The following ITFG1 variants were observed in gnomAD, a reference collection of about 807,000 sequenced individuals.
The protein encoded by ITFG1 is T-cell immunomodulatory protein.
In ITFG1, 34 loss-of-function variants were observed where a neutral mutation model predicts 81.8. The ratio of observed to expected loss-of-function variants is 0.42; its 90% CI spans 0.32 to 0.55. The LOEUF is 0.55. Ranked by LOEUF, ITFG1 falls within the 20% of genes least tolerant of loss-of-function variation. The pLI, the probability that ITFG1 is intolerant of heterozygous loss-of-function variation, is 0.17. For synonymous variants in ITFG1, 285 were observed against 270.6 expected, an observed-to-expected ratio of 1.05 and a Z score of -0.52; for missense variants, 672 against 755.4, an observed-to-expected ratio of 0.89 and a Z score of 1.29.
chr16:47,431,757 T>C (rs1969098824), intron 5 of ITFG1, among the ~76,000 whole-genome samples: 1 of 152,220 alleles, frequency 6.6e-6, no homozygotes, highest in Non-Finnish European at 1.5e-5. Context: ...AAAGTTTCCA[T>C]TTATCTCTCA....
chr16:47,460,354 G>C (rs1969514220), intron 1 of ITFG1, among the ~76,000 whole-genome samples: 1 of 152,212 alleles, frequency 6.6e-6, no homozygotes, highest in Non-Finnish European at 1.5e-5. Context: ...GGGCGAATTA[G>C]GTAGGTGGGG....
intron 10 of ITFG1, among the ~76,000 whole-genome samples, chr16:47,304,113 A>G (rs918747882): frequency 6.6e-6 from 1 of 152,230 alleles, no homozygotes; most frequent in Non-Finnish European, 1.5e-5. Context: ...GTAGAAAAAG[A>G]ATAGAAATGA....
At chr16:47,455,947 A>C (rs1249920442) in intron 2 of ITFG1, among the ~76,000 whole-genome samples, 1 of 152,082 alleles carries the variant, frequency 6.6e-6, no homozygotes, top group African/African-American at 2.4e-5. Context: ...CTCCTAAAAG[A>C]GACAAAAAAA....
At chr16:47,447,993 G>A (rs1018312407) in intron 5 of ITFG1, 4 of 152,300 alleles carry the variant, frequency 2.6e-5, no homozygotes, top group East Asian at 1.9e-4. Flanking sequence ...TGTATGGGAT[G>A]AGAGGGAGGG....
intron 6 of ITFG1, among the ~76,000 whole-genome samples, chr16:47,379,670 G>A (rs564334939): frequency 6.6e-6 from 1 of 151,050 alleles, no homozygotes; most frequent in South Asian, 2.1e-4. Context: ...GGGTGACAAG[G>A]GCGAGATTAT....
intron 14 of ITFG1, among the ~76,000 whole-genome samples, chr16:47,171,095 A>G (rs1253404676): frequency 6.7e-6 from 1 of 149,682 alleles, no homozygotes; most frequent in Non-Finnish European, 1.5e-5. Flanking sequence ...GCAGTGGCAC[A>G]ATCATGGCTC....
chr16:47,210,022 T>A (rs1334352582), intron 14 of ITFG1, among the ~76,000 whole-genome samples: 1 of 152,150 alleles, frequency 6.6e-6, no homozygotes, highest in African/African-American at 2.4e-5. Flanking sequence ...CGTGTAGATT[T>A]TTGAGTGAAC....
intron 8 of ITFG1, among the ~76,000 whole-genome samples, chr16:47,346,769 A>G (rs1370642658): frequency 6.6e-6 from 1 of 152,230 alleles, no homozygotes; most frequent in Admixed American, 6.5e-5. Context: ...AATCAGTAAT[A>G]AAGTCTCATA....
At position 47,186,514 on chromosome 16, in the gene ITFG1, C is replaced by T. The variant is rs557112193; in HGVS notation, c.1454-23850G>A. ...AACAGAACCAAAGACAAAAACCACA[C>T]GATTATCTCAATAGATGCAGAAAAG... On this transcript the variant is annotated intron_variant, in intron 14 of 17. Transcript: ENST00000320640. Among the ~76,000 whole-genome samples, 250 of 152,172 alleles carry T rather than the reference C, an allele frequency of 1.6e-3. 3 individuals carry two copies. In the Middle Eastern group the frequency reaches 0.034, roughly 21 times the overall value.
intron 14 of ITFG1, among the ~76,000 whole-genome samples, chr16:47,183,824 C>T (rs1465461733): frequency 9.2e-5 from 14 of 152,088 alleles, no homozygotes; most frequent in South Asian, 4.2e-4. Context: ...AGGCTTCAGA[C>T]GATCAAATTA....
intron 8 of ITFG1, among the ~76,000 whole-genome samples, chr16:47,325,133 C>G (rs1967514477): frequency 6.6e-6 from 1 of 152,214 alleles, no homozygotes; most frequent in Non-Finnish European, 1.5e-5. Context: ...AACAAACTGT[C>G]TCTCAGACCA....
chr16:47,167,153 A>G (rs1488764418), intron 14 of ITFG1, among the ~76,000 whole-genome samples: 1 of 152,192 alleles, frequency 6.6e-6, no homozygotes, highest in African/African-American at 2.4e-5. Context: ...TCTACTCTAG[A>G]TACCTCATAT....
intron 13 of ITFG1, among the ~76,000 whole-genome samples, chr16:47,228,028 T>G (rs1965775670): frequency 6.6e-6 from 1 of 152,210 alleles, no homozygotes; most frequent in Admixed American, 6.5e-5. Flanking sequence ...ATTATTTCCT[T>G]TAATTTTGGT....
At chr16:47,210,925 C>G (rs1168500040) in intron 14 of ITFG1, among the ~76,000 whole-genome samples, 1 of 152,076 alleles carries the variant, frequency 6.6e-6, no homozygotes, top group Non-Finnish European at 1.5e-5. Flanking sequence ...TGTTTCAGTT[C>G]TATTAGGTTG....
chr16:47,416,821 C>T (rs556638728), intron 6 of ITFG1, among the ~76,000 whole-genome samples: 1 of 152,280 alleles, frequency 6.6e-6, no homozygotes, highest in Admixed American at 6.5e-5. Flanking sequence ...TCAGGTACTT[C>T]TTTATGTCAA....
chr16:47,322,142 T>C (rs1376805828), intron 8 of ITFG1, among the ~76,000 whole-genome samples: 2 of 152,162 alleles, frequency 1.3e-5, no homozygotes, highest in African/African-American at 4.8e-5. Flanking sequence ...AAAGTACTAG[T>C]GCCTTAGTGG....
chr16:47,367,696 T>C (rs148675297), intron 7 of ITFG1, among the ~76,000 whole-genome samples: 1 of 152,314 alleles, frequency 6.6e-6, no homozygotes, highest in Non-Finnish European at 1.5e-5. Context: ...AAATAAGATT[T>C]TTCATGTGAC....
At chr16:47,279,404 T>G (rs1019285857) in intron 10 of ITFG1, among the ~76,000 whole-genome samples, 1 of 152,094 alleles carries the variant, frequency 6.6e-6, no homozygotes, top group African/African-American at 2.4e-5. Flanking sequence ...TTTTCTCCAT[T>G]GAAAAAGAGA....
intron 6 of ITFG1, among the ~76,000 whole-genome samples, chr16:47,420,476 A>G (rs1461796700): frequency 1.3e-5 from 2 of 152,284 alleles, no homozygotes; most frequent in East Asian, 3.9e-4. Context: ...AGTCTACTAT[A>G]GTTTAGAAAG....
Sources: gnomAD v4.1 joint callset for allele counts (sites outside exome capture counted in the v4.1 genomes callset) on GRCh38, gnomAD v4.1.1 for gene constraint, MANE v1.5 for transcripts, NCBI Gene and HGNC (gene_info 2026-07-23, HGNC 2026-07-21) for gene names.